ZNF568: variants seen among roughly 807,000 people sequenced by gnomAD.
ZNF568 encodes the protein zinc finger protein 568.
In ZNF568, 11 loss-of-function variants were observed where a neutral mutation model predicts 18.1. The observed-to-expected ratio is 0.61, with a 90% CI of 0.38 to 1.00. The LOEUF (loss-of-function observed/expected upper bound fraction) is 1.00, where lower values mean the gene tolerates loss of function less well. ZNF568 is among the 50% of genes least tolerant of loss of function. The pLI, the probability that ZNF568 is intolerant of heterozygous loss-of-function variation, is 0.01. For missense variants in ZNF568, 639 were observed against 768.2 expected (o/e 0.83, Z 1.99); for synonymous variants, 213 against 246.6 (o/e 0.86, Z 1.28).
chr19:36,954,223 T>C (rs1024406002), downstream of ZNF568, among the ~76,000 whole-genome samples: 3 of 152,058 alleles, frequency 2.0e-5, no homozygotes, highest in Non-Finnish European at 4.4e-5. Flanking sequence ...AGACTCTGCC[T>C]CAAAAAAATA....
chr19:36,957,839 G>A (rs2074119482), intron 6 of ZNF568, among the ~76,000 whole-genome samples: 1 of 152,168 alleles, frequency 6.6e-6, no homozygotes, highest in Non-Finnish European at 1.5e-5. Flanking sequence ...TTGATTTAAA[G>A]TATTTCAAGT....
chr19:36,997,619 G>A, downstream of ZNF568: 1 of 1,524,230 alleles, frequency 6.6e-7, no homozygotes, highest in Non-Finnish European at 8.9e-7. Context: ...ATTCATACTG[G>A]TGAGAAACCA....
intron 1 of ZNF568, among the ~76,000 whole-genome samples, 200 bp from the exon 2 acceptor site, chr19:36,917,377 CAA>C (rs1348209141): frequency 6.6e-6 from 1 of 152,134 alleles, no homozygotes; most frequent in African/African-American, 2.4e-5. Flanking sequence ...AGTTACCTCG[CAA>C]AGAGTATGAA....
intron 6 of ZNF568, among the ~76,000 whole-genome samples, chr19:36,967,479 C>A (rs1178818507): frequency 2.0e-5 from 3 of 152,178 alleles, no homozygotes; most frequent in Admixed American, 1.3e-4. Context: ...ACGAGAATCA[C>A]TTGAACCCGA....
chr19:36,990,638 TAATGAATGACTATTATA>T, intron 2 of ZNF568, among the ~76,000 whole-genome samples: 1 of 152,198 alleles, frequency 6.6e-6, no homozygotes, highest in African/African-American at 2.4e-5. Context: ...TGTTGAAAAA[TAATGAATGACTATTATA>T]ACTGCAAAAG....
chr19:36,981,959 C>G (rs1454105948), downstream of ZNF568, among the ~76,000 whole-genome samples: 1 of 149,534 alleles, frequency 6.7e-6, no homozygotes, highest in Admixed American at 6.6e-5. Context: ...TTTCTTAAAA[C>G]TCCTATGACA....
chr19:36,970,959 A>G (rs2146331156), intron 6 of ZNF568, among the ~76,000 whole-genome samples: 1 of 152,152 alleles, frequency 6.6e-6, no homozygotes, highest in Admixed American at 6.5e-5. Flanking sequence ...TTTTAAACCC[A>G]GGCCTGGGCA....
chr19:36,924,095 T>A (rs1017848230), intron 3 of ZNF568, among the ~76,000 whole-genome samples: 1 of 152,142 alleles, frequency 6.6e-6, no homozygotes, highest in Non-Finnish European at 1.5e-5. Flanking sequence ...GGCCCTGAAT[T>A]TTTTAGGGTA....
chr19:36,986,042 A>G (rs922087754), intron 2 of ZNF568, among the ~76,000 whole-genome samples: 5 of 152,084 alleles, frequency 3.3e-5, no homozygotes, highest in Non-Finnish European at 7.4e-5. Context: ...TTCTACCAGG[A>G]GCCCTGCCAA....
downstream of ZNF568, among the ~76,000 whole-genome samples, chr19:36,957,254 T>C (rs2146319731): frequency 8.4e-6 from 1 of 119,592 alleles, no homozygotes; most frequent in South Asian, 2.8e-4. Flanking sequence ...TTTTTTTAAA[T>C]GGAGTCCTGC....
rs192221655 is a variant in ZNF568, at chr19:36,991,375, T to A, written c.133+76T>A. 26 of 1,430,430 alleles carry A rather than the reference T, an allele frequency of 1.8e-5. No homozygotes were observed. In the East Asian group the frequency reaches 2.8e-4, roughly 15 times the overall value. 88.6% of individuals were successfully genotyped at this position (1,430,430 alleles called of 1,614,324 possible). A position where few individuals can be genotyped will look rare whatever the true frequency, so the allele number is the denominator to read the frequency against. On this transcript the variant is annotated intron_variant, in intron 3 of 4. Transcript: ENST00000433993. ...TGGCCTTCTGGAATTCTTATGTTCT[T>A]TTTTCTGAGTTTGTCCCAAGTGCTT...
At chr19:36,948,658 A>ATTTTTTTTTTTTTTTTTTTTTTTTTTTTT (rs4069585) in intron 6 of ZNF568, among the ~76,000 whole-genome samples, 2 of 83,566 alleles carry the variant, frequency 2.4e-5, no homozygotes, top group Admixed American at 1.4e-4. Flanking sequence ...TTTGTTGTTG[A>ATTTTTTTTTTTTTTTTTTTTTTTTTTTTT]TTTTTTTTTT....
chr19:36,950,466 G>A lies in ZNF568; in HGVS notation c.1313G>A (p.Arg438Gln), dbSNP rs771053654. The change falls in exon 7 of 7, where the codon CGA becomes CAA. Residue 438 changes from arginine to glutamine, a missense_variant. By Grantham distance (43) the Arg-to-Gln change is conservative. Transcript: ENST00000333987. The part of the protein sequence containing the change: ...SQSSSLTVHM[R>Q]NHTAEKPYEC... ...AGTTCATCCCTAACCGTACATATGC[G>A]AAATCATACAGCTGAGAAACCCTAT... 24 of 1,612,996 alleles carry A rather than the reference G, an allele frequency of 1.5e-5. No homozygotes were observed. Among genetic ancestry groups the A allele is most frequent in the Non-Finnish European group, 1.9e-5 (22 of 1,179,420 alleles).
chr19:36,979,894 T>C (rs1208975095), exon 8 of ZNF568: 1 of 152,228 alleles, frequency 6.6e-6, no homozygotes. Flanking sequence ...TATTAAATTT[T>C]AAATTTTTAC....
Position 36,948,658 on chromosome 19 carries a change from A to ATTTTTTTTTTTTTTTTTTTTT in ZNF568, c.359-849_359-829dup, listed in dbSNP as rs4069585. Reference sequence around the variant, plus strand: ...TTGCAGCAGGGGTTTTTTGTTGTTGATTTTTTTTTTTTTTTTTTTTTTTTT... The same window carrying ATTTTTTTTTTTTTTTTTTTTT: ...TTGCAGCAGGGGTTTTTTGTTGTTGATTTTTTTTTTTTTTTTTTTTTTTTTTTTTTTTTTTTTTTTTTTTTT... On this transcript the variant is annotated intron_variant, in intron 6 of 6. Transcript: ENST00000333987. 7.2e-5 allele frequency among the ~76,000 whole-genome samples: 6 copies of ATTTTTTTTTTTTTTTTTTTTT among 83,562 alleles called. 1 individual carries two copies. Among genetic ancestry groups the ATTTTTTTTTTTTTTTTTTTTT allele is most frequent in the East Asian group, 4.8e-4 (1 of 2,084 alleles). 54.8% of individuals were successfully genotyped at this position (83,562 alleles called of 152,430 possible).
intron 7 of ZNF568, among the ~76,000 whole-genome samples, chr19:36,975,367 T>C (rs1026719320): frequency 1.1e-4 from 16 of 150,844 alleles, no homozygotes; most frequent in African/African-American, 3.7e-4. Context: ...CAGGATGGTC[T>C]CGATCTCCTG....
At position 36,969,046 on chromosome 19, in the gene ZNF568, G is replaced by C. The variant is rs1006832049; in HGVS notation, c.359-5374G>C. Among the ~76,000 whole-genome samples, 17 of 152,052 alleles carry C rather than the reference G, an allele frequency of 1.1e-4. No homozygotes were observed. In the East Asian group the frequency reaches 2.7e-3, roughly 24 times the overall value. ...AATTTTTTGTATTTTTAGTAGAAAC[G>C]GGCTTTCACGGTATTAGCCAAGATG... On this transcript the variant is annotated intron_variant, in intron 6 of 7. Transcript: ENST00000427117.
At chr19:36,954,519 TAA>T (rs2074092757), downstream of ZNF568, among the ~76,000 whole-genome samples, 1 of 151,764 alleles carries the variant, frequency 6.6e-6, no homozygotes, top group Non-Finnish European at 1.5e-5. Flanking sequence ...CCTTCTTCAA[TAA>T]GTTTTATACT....
chr19:36,984,574 T>C (rs1016253583), downstream of ZNF568, among the ~76,000 whole-genome samples: 8 of 152,154 alleles, frequency 5.3e-5, no homozygotes, highest in Admixed American at 2.6e-4. Context: ...AGATTATCCA[T>C]GTATTTACGA....
Sources: allele counts gnomAD v4.1 joint callset (sites outside exome capture counted in the v4.1 genomes callset), GRCh38; gene constraint gnomAD v4.1.1; transcripts MANE v1.5; gene names NCBI Gene and HGNC (gene_info 2026-07-23, HGNC 2026-07-21).